The following PPARGC1B variants were observed in gnomAD, a reference collection of about 807,000 sequenced individuals.
PPARGC1B encodes PPARG coactivator 1 beta, also known as peroxisome proliferator-activated receptor gamma coactivator 1-beta.
A neutral mutation model predicts 101.6 loss-of-function variants in PPARGC1B; 34 were observed. That is an observed-to-expected ratio of 0.33 (90% confidence interval 0.25 to 0.45). PPARGC1B has a LOEUF of 0.45. Among genes scored for constraint, PPARGC1B ranks in the 20% least tolerant of loss-of-function variants. PPARGC1B has a pLI of 1.00. For synonymous variants in PPARGC1B, 548 were observed against 539.3 expected, an observed-to-expected ratio of 1.02 and a Z score of -0.22; for missense variants, 1,234 against 1,317.6, an observed-to-expected ratio of 0.94 and a Z score of 0.98.
chr5:149,778,356 G>A (rs1180232501), intron 1 of PPARGC1B, among the ~76,000 whole-genome samples: 2 of 152,038 alleles, frequency 1.3e-5, no homozygotes, highest in East Asian at 1.9e-4. Context: ...GAAGAGGTCT[G>A]TGAGCTTCCC....
At chr5:149,749,628 A>T (rs1328140816) in intron 1 of PPARGC1B, among the ~76,000 whole-genome samples, 2 of 152,152 alleles carry the variant, frequency 1.3e-5, no homozygotes, top group East Asian at 3.8e-4. Flanking sequence ...TGTAATTTAG[A>T]GTTAGGGAAG....
At position 149,832,628 on chromosome 5, in the gene PPARGC1B, C is replaced by T; in HGVS notation, c.583-28C>T. On this transcript the variant is annotated intron_variant, in intron 4 of 11. Transcript: ENST00000309241. The surrounding 1 kb of genome is among the most constrained non-coding windows in gnomAD (Gnocchi z 4.9). ...ATGGGAGGAGTGTTTGGGCCTCCTTCCTCACTCTGGCCTCTCTCCCTCTCT... is the reference window on the plus strand; with the variant it reads ...ATGGGAGGAGTGTTTGGGCCTCCTTTCTCACTCTGGCCTCTCTCCCTCTCT... The T allele has an allele frequency of 6.6e-7, 1 of 1,504,054 alleles. No homozygotes were observed. Among genetic ancestry groups the T allele is most frequent in the South Asian group, 1.4e-5 (1 of 72,368 alleles). 93.2% of individuals were successfully genotyped at this position (1,504,054 alleles called of 1,614,324 possible).
intron 1 of PPARGC1B, among the ~76,000 whole-genome samples, chr5:149,781,251 A>G (rs1300519127): frequency 6.6e-6 from 1 of 150,792 alleles, no homozygotes; most frequent in Non-Finnish European, 1.5e-5. Context: ...AGATGGCATG[A>G]GCTGGCCTGC....
In PPARGC1B at chr5:149,852,623, T is replaced by C. The variant is rs958475557; in HGVS notation, c.*5065T>C. ...TGTCAAATCTCACATTAACCTTGTC[T>C]TTGTCCCCACTGGATAGCTGTTAAT... On this transcript the variant is annotated 3_prime_UTR_variant, in exon 12 of 12. Transcript: ENST00000309241. The C allele has an allele frequency of 6.6e-6, 1 of 152,204 alleles. No individual in the cohort carries two copies. Among genetic ancestry groups the C allele is most frequent in the Non-Finnish European group, 1.5e-5 (1 of 68,042 alleles). 9.4% of individuals were successfully genotyped at this position (152,204 alleles called of 1,614,324 possible).
chr5:149,837,192 TC>T lies in PPARGC1B; in HGVS notation c.2618+122del. 7.0e-7 allele frequency: 1 copy of T among 1,437,138 alleles called. No homozygotes were observed. The highest frequency in any genetic ancestry group is 9.2e-7 in the Non-Finnish European group (1 of 1,081,416). The allele number at this position is 1,437,138 out of a possible 1,614,324, so 89.0% of individuals were successfully genotyped here. A position where few individuals can be genotyped will look rare whatever the true frequency, so the allele number is the denominator to read the frequency against. ...CTTGCTCTGAAACTGAGGCTGCATC[TC>T]CCAGTGTGGCCCATGTCTTGGTCAG... On this transcript the variant is annotated intron_variant, in intron 8 of 11. Transcript: ENST00000309241. This position sits in a 1 kb window ranked among gnomAD's most constrained non-coding sequence, Gnocchi z 4.2.
chr5:149,740,443 G>A (rs915096927), intron 1 of PPARGC1B, among the ~76,000 whole-genome samples: 3 of 152,168 alleles, frequency 2.0e-5, no homozygotes, highest in African/African-American at 7.2e-5. Context: ...TGATCTAGTC[G>A]AGGCCCTGAG....
intron 1 of PPARGC1B, among the ~76,000 whole-genome samples, chr5:149,801,463 G>T (rs979209670): frequency 3.9e-5 from 6 of 152,246 alleles, no homozygotes; most frequent in Non-Finnish European, 8.8e-5. Flanking sequence ...GGCTATGTCA[G>T]GGGACAGATC....
At position 149,847,490 on chromosome 5, in the gene PPARGC1B, G is replaced by C; in HGVS notation, c.3004G>C (p.Gly1002Arg). The change falls in exon 12 of 12, where the codon GGG becomes CGG. Residue 1002 changes from glycine to arginine, a missense_variant. By Grantham distance (125) the Gly-to-Arg change is moderately radical. Around this residue, in one of 3 missense-constraint regions of PPARGC1B, gnomAD observed 497 missense variants for 529.5 expected, o/e 0.94. Transcript: ENST00000309241. ...TTCAGAAGAGGCCCTTCCTGCGTCA[G>C]GGAAAAGCAAGTATGAAGCCATGGA... ...SNSEEALPAS[G>R]KSKYEAMDFD... is the part of the protein sequence containing the mutation. The C allele has an allele frequency of 6.2e-7, 1 of 1,614,146 alleles. No individual in the cohort carries two copies. The highest frequency in any genetic ancestry group is 1.1e-5 in the South Asian group (1 of 91,084).
intron 1 of PPARGC1B, among the ~76,000 whole-genome samples, chr5:149,814,156 A>G (rs1209574311): frequency 2.0e-5 from 3 of 152,128 alleles, no homozygotes; most frequent in Non-Finnish European, 4.4e-5. Flanking sequence ...TATTATCCCC[A>G]TTTTGTGACT....
Position 149,833,263 on chromosome 5 carries a change from C to T in PPARGC1B, c.1190C>T (p.Ala397Val). 1 of 1,613,358 alleles carries T rather than the reference C, an allele frequency of 6.2e-7. No homozygotes were observed. Among genetic ancestry groups the T allele is most frequent in the Non-Finnish European group, 8.5e-7 (1 of 1,179,996 alleles). Residue 397 changes from alanine to valine, a missense_variant, in exon 5 of 12, where the codon GCA (alanine) becomes GTA (valine). Around this residue, in one of 3 missense-constraint regions of PPARGC1B, gnomAD observed 734 missense variants for 768.4 expected, o/e 0.96. Coordinates refer to ENST00000309241, the MANE Select transcript of PPARGC1B (RefSeq NM_133263.4). This position sits in a 1 kb window ranked among gnomAD's most constrained non-coding sequence, Gnocchi z 4.1. The part of the protein sequence containing the change: ...RPSSVEEVRI[A>V]ASPKSTGPRP... The stretch of plus-strand genomic sequence containing the variant: ...TCCTCGGTGGAGGAGGTAAGGATCG[C>T]AGCTTCACCCAAGAGCACCGGGCCC...
At chr5:149,745,075 A>G (rs748166002) in intron 1 of PPARGC1B, among the ~76,000 whole-genome samples, 2 of 151,820 alleles carry the variant, frequency 1.3e-5, no homozygotes, top group Non-Finnish European at 2.9e-5. Flanking sequence ...ATAATTTTTT[A>G]CTTTTTTTAG....
chr5:149,788,066 T>C (rs1204892729), intron 1 of PPARGC1B, among the ~76,000 whole-genome samples: 1 of 152,088 alleles, frequency 6.6e-6, no homozygotes, highest in Non-Finnish European at 1.5e-5. Flanking sequence ...AAAGCCAAAA[T>C]TGACAAATGG....
At chr5:149,787,057 G>A (rs993173459) in intron 1 of PPARGC1B, among the ~76,000 whole-genome samples, 1 of 152,344 alleles carries the variant, frequency 6.6e-6, no homozygotes, top group South Asian at 2.1e-4. Flanking sequence ...TCTCAACTCT[G>A]CTTTCCTCTG....
chr5:149,799,693 G>GTT (rs11371560), intron 1 of PPARGC1B, among the ~76,000 whole-genome samples: 2,590 of 76,298 alleles, frequency 0.034, 208 homozygotes, highest in Middle Eastern at 0.081. Context: ...GCTTGTTGTT[G>GTT]TTTTTTTTTT....
chr5:149,817,179 GT>G (rs1758091561), intron 1 of PPARGC1B, among the ~76,000 whole-genome samples: 1 of 152,186 alleles, frequency 6.6e-6, no homozygotes, highest in Non-Finnish European at 1.5e-5. Context: ...CCTTCAAGAA[GT>G]TTTTCCTGAC....
chr5:149,837,274 A>T lies in PPARGC1B; in HGVS notation c.2618+201A>T, dbSNP rs1759141449. On this transcript the variant is annotated intron_variant, in intron 8 of 11. Coordinates refer to ENST00000309241, the MANE Select transcript of PPARGC1B (RefSeq NM_133263.4). The surrounding 1 kb of genome is among the most constrained non-coding windows in gnomAD (Gnocchi z 4.2). ...GTGGGTGAGTTCTGGAGGCAGGCAC[A>T]GCCTGGTCTGTGAAATCGAGAGTGT... 6.6e-6 allele frequency among the ~76,000 whole-genome samples: 1 copy of T among 152,196 alleles called. No individual in the cohort carries two copies. The highest frequency in any genetic ancestry group is 6.5e-5 in the Admixed American group (1 of 15,286).
intron 1 of PPARGC1B, among the ~76,000 whole-genome samples, chr5:149,815,909 A>G (rs990200751): frequency 2.0e-5 from 3 of 152,138 alleles, no homozygotes; most frequent in Non-Finnish European, 2.9e-5. Context: ...TGCTGGGTTG[A>G]TTTAAGACTG....
intron 1 of PPARGC1B, among the ~76,000 whole-genome samples, chr5:149,791,765 G>A (rs1046849254): frequency 6.6e-6 from 1 of 152,180 alleles, no homozygotes; most frequent in Non-Finnish European, 1.5e-5. Context: ...GCTCTGATTG[G>A]CCTGGTGTCC....
At position 149,736,074 on chromosome 5, in the gene PPARGC1B, G is replaced by A. The variant is rs187213088; in HGVS notation, c.78+5654G>A. ...GGAGAATTGCTTGAACCCAGGAGGC[G>A]GAGGTTGCAGTGAGCTGAGATTGCA... On this transcript the variant is annotated intron_variant, in intron 1 of 11. Transcript: ENST00000309241. Among the ~76,000 whole-genome samples, 7 of 152,230 alleles carry A rather than the reference G, an allele frequency of 4.6e-5. No homozygotes were observed. The East Asian group carries it at 7.7e-4, about 17-fold the overall frequency.
Sources: gnomAD v4.1 joint callset for allele counts (sites outside exome capture counted in the v4.1 genomes callset) on GRCh38, gnomAD v4.1.1 for gene constraint, gnomAD v4.1.1 regional missense constraint, Gnocchi (gnomAD v3.1) non-coding constraint, MANE v1.5 for transcripts, NCBI Gene and HGNC (gene_info 2026-07-23, HGNC 2026-07-21) for gene names.